CWH43: variants seen among roughly 807,000 people sequenced by gnomAD.
The protein encoded by CWH43 is cell wall biogenesis 43 C-terminal homolog, also known as PGAP2-interacting protein.
A neutral mutation model predicts 85.7 loss-of-function variants in CWH43; 91 were observed. That is an observed-to-expected ratio of 1.06 (90% CI 0.90 to 1.26). The LOEUF is 1.26. Among genes scored for constraint, CWH43 ranks in the 50% most tolerant of loss-of-function variants. The pLI, the probability that CWH43 is intolerant of heterozygous loss-of-function variation, is 0.00. For missense variants in CWH43, 869 were observed against 839.2 expected, an observed-to-expected ratio of 1.04 and a Z score of -0.44; for synonymous variants, 323 against 293.6, an observed-to-expected ratio of 1.10 and a Z score of -1.02.
At chr4:49,037,192 C>T (rs1784287744) in intron 12 of CWH43, among the ~76,000 whole-genome samples, 1 of 152,232 alleles carries the variant, frequency 6.6e-6, no homozygotes, top group East Asian at 1.9e-4. Context: ...CTAAGTATCT[C>T]AGTTATAGGT....
At chr4:49,033,562 G>A (rs1784169366) in intron 12 of CWH43, among the ~76,000 whole-genome samples, 1 of 152,144 alleles carries the variant, frequency 6.6e-6, no homozygotes, top group Non-Finnish European at 1.5e-5. Context: ...CAAGATTATT[G>A]AATTAGAAAA....
chr4:48,993,063 T>A (rs1258854233), intron 4 of CWH43, among the ~76,000 whole-genome samples: 1 of 152,226 alleles, frequency 6.6e-6, no homozygotes, highest in Non-Finnish European at 1.5e-5. Flanking sequence ...TTACATCTCC[T>A]GACTTTTCTT....
chr4:49,060,263 G>A (rs996712442), intron 15 of CWH43, among the ~76,000 whole-genome samples: 10 of 152,274 alleles, frequency 6.6e-5, no homozygotes, highest in Middle Eastern at 3.4e-3. Flanking sequence ...CATGGGCACT[G>A]GAGTCAGGGA....
chr4:49,044,372 G>A (rs1430217504), intron 13 of CWH43, among the ~76,000 whole-genome samples: 6 of 152,190 alleles, frequency 3.9e-5, no homozygotes, highest in Non-Finnish European at 1.5e-5. Flanking sequence ...GGTGTGGGAG[G>A]ATGGAGACAT....
chr4:49,032,065 A>T (rs1420747798), intron 11 of CWH43, among the ~76,000 whole-genome samples: 1 of 152,210 alleles, frequency 6.6e-6, no homozygotes, highest in Non-Finnish European at 1.5e-5. Flanking sequence ...TGAAGGTGAC[A>T]GAGAATGCGT....
chr4:48,996,724 G>T (rs1286798033), intron 5 of CWH43, among the ~76,000 whole-genome samples: 1 of 152,148 alleles, frequency 6.6e-6, no homozygotes, highest in Non-Finnish European at 1.5e-5. Flanking sequence ...ATTCAACTCT[G>T]GGCCAATCAT....
chr4:49,035,028 G>T (rs376593217), intron 12 of CWH43, among the ~76,000 whole-genome samples: 6 of 152,250 alleles, frequency 3.9e-5, no homozygotes, highest in African/African-American at 1.4e-4. Flanking sequence ...AGGAACCACT[G>T]CTCTGAGCCA....
intron 15 of CWH43, among the ~76,000 whole-genome samples, chr4:49,052,431 T>C (rs1035983878): frequency 6.6e-6 from 1 of 152,220 alleles, no homozygotes; most frequent in African/African-American, 2.4e-5. Context: ...GAATAGTGCA[T>C]AGTGAGTGCT....
intron 9 of CWH43, among the ~76,000 whole-genome samples, chr4:49,019,967 C>T (rs1417795091): frequency 6.6e-6 from 1 of 151,926 alleles, no homozygotes; most frequent in Non-Finnish European, 1.5e-5. Context: ...CACCCGTCAC[C>T]CAAGCAGTGT....
intron 6 of CWH43, among the ~76,000 whole-genome samples, chr4:48,999,150 C>T (rs115826554): frequency 5.9e-5 from 9 of 152,292 alleles, no homozygotes; most frequent in Admixed American, 3.3e-4. Context: ...CATCATTCAG[C>T]TCCCATTTAA....
At chr4:49,022,260 C>T (rs1244394532) in intron 9 of CWH43, among the ~76,000 whole-genome samples, 7 of 151,938 alleles carry the variant, frequency 4.6e-5, no homozygotes, top group South Asian at 2.1e-4. Context: ...AATCATAAAG[C>T]GACGCTGGAT....
intron 15 of CWH43, among the ~76,000 whole-genome samples, chr4:49,058,326 C>A (rs1326609972): frequency 6.6e-6 from 1 of 152,052 alleles, no homozygotes; most frequent in African/African-American, 2.4e-5. Context: ...AAGCTGAAAA[C>A]AACTTTGTCT....
Position 48,988,544 on chromosome 4 carries a change from A to G in CWH43, c.111A>G (p.Leu37=), listed in dbSNP as rs150796457. Residue 37 remains leucine (L), a synonymous_variant, in exon 2 of 16, where the codon CTA becomes CTG. Transcript: ENST00000226432. ...PMIYYFPLQT[L]ELTGLEGFSI... ...TCTATTACTTTCCTTTGCAAACACTAGAACTCACTGGGCTTGAAGGTTTTA... is the reference window on the plus strand; with the variant it reads ...TCTATTACTTTCCTTTGCAAACACTGGAACTCACTGGGCTTGAAGGTTTTA... 3.2e-5 allele frequency: 51 copies of G among 1,613,682 alleles called. No homozygotes were observed. In the African/African-American group the frequency reaches 5.5e-4, roughly 17 times the overall value.
At chr4:49,005,100 A>T (rs192466203) in intron 7 of CWH43, among the ~76,000 whole-genome samples, 1 of 152,230 alleles carries the variant, frequency 6.6e-6, no homozygotes, top group Non-Finnish European at 1.5e-5. Context: ...TCACTTATTC[A>T]TTAAAAATAT....
intron 12 of CWH43, among the ~76,000 whole-genome samples, chr4:49,036,113 G>C (rs1217555206): frequency 6.6e-6 from 1 of 152,140 alleles, no homozygotes; most frequent in African/African-American, 2.4e-5. Flanking sequence ...ACCAGGACAA[G>C]GGACCACCTG....
chr4:49,016,838 A>T lies in CWH43; in HGVS notation c.1187-411A>T, dbSNP rs986518697. 2.6e-5 allele frequency: 20 copies of T among 780,256 alleles called. 1 individual carries two copies. In the Admixed American group the frequency reaches 3.2e-4, roughly 13 times the overall value. The allele number at this position is 780,256 out of a possible 1,614,324, so 48.3% of individuals were successfully genotyped here. On this transcript the variant is annotated intron_variant, in intron 8 of 15. Coordinates refer to ENST00000226432, the MANE Select transcript of CWH43 (RefSeq NM_025087.3). ...GGGCCACTTTCTGCTCAATCAGTTC[A>T]TCTGACTCCCCAAAGACATGCCTTC...
At chr4:48,991,359 TA>T in intron 2 of CWH43, 94 bp from the exon 3 acceptor site, 2 of 1,334,742 alleles carry the variant, frequency 1.5e-6, no homozygotes, top group Non-Finnish European at 2.1e-6. Context: ...TTCCTGAGTA[TA>T]AAGATGGTAT....
intron 14 of CWH43, among the ~76,000 whole-genome samples, chr4:49,046,463 CATAAA>C (rs889993578): frequency 6.6e-6 from 1 of 151,766 alleles, no homozygotes; most frequent in African/African-American, 2.4e-5. Flanking sequence ...TGGAAGGAAA[CATAAA>C]ATAAGCAGAT....
chr4:49,016,152 C>G (rs1242316337), intron 8 of CWH43, among the ~76,000 whole-genome samples: 3 of 152,202 alleles, frequency 2.0e-5, no homozygotes. Flanking sequence ...GGTTGATGTA[C>G]ACATGTCACA....
Sources: gnomAD v4.1 joint callset for allele counts (sites outside exome capture counted in the v4.1 genomes callset) on GRCh38, gnomAD v4.1.1 for gene constraint, MANE v1.5 for transcripts, NCBI Gene and HGNC (gene_info 2026-07-23, HGNC 2026-07-21) for gene names.